Variants in PIGX observed in about 807,000 individuals in gnomAD.
PIGX encodes the protein GPI alpha-1,4-mannosyltransferase I, stabilizing subunit.
In PIGX, 24 loss-of-function variants were observed where a neutral mutation model predicts 28.7. That is an observed-to-expected ratio of 0.84 (90% CI 0.60 to 1.17). The LOEUF (loss-of-function observed/expected upper bound fraction) is 1.17. Among genes scored for constraint, PIGX ranks in the 50% most tolerant of loss-of-function variants. The pLI is 0.00. For missense variants in PIGX, 305 were observed against 317.8 expected (o/e 0.96, Z 0.31); for synonymous variants, 127 against 121.0 (o/e 1.05, Z -0.33).
chr3:196,728,511 C>A (rs1421453761), intron 4 of PIGX, among the ~76,000 whole-genome samples: 1 of 152,094 alleles, frequency 6.6e-6, no homozygotes, highest in East Asian at 1.9e-4. Context: ...AGACTAAGGT[C>A]TTGTCCATTT....
chr3:196,720,586 A>AT (rs34357771), intron 2 of PIGX, among the ~76,000 whole-genome samples: 1 of 152,058 alleles, frequency 6.6e-6, no homozygotes, highest in South Asian at 2.1e-4. Context: ...TTCTATTGTA[A>AT]TTTTTTGAGA....
intron 3 of PIGX, among the ~76,000 whole-genome samples, chr3:196,725,719 G>A (rs1281006115): frequency 1.3e-5 from 2 of 152,090 alleles, no homozygotes; most frequent in African/African-American, 4.8e-5. Flanking sequence ...AACAGTGTCT[G>A]GTACTCACAC....
intron 4 of PIGX, chr3:196,728,891 C>G (rs963385493): frequency 1.8e-6 from 1 of 567,552 alleles, no homozygotes; most frequent in African/African-American, 1.9e-5. Context: ...AGGACTCTGG[C>G]TTTTGATGTT....
Position 196,732,279 on chromosome 3 carries a change from T to A in PIGX, c.633+1187T>A, listed in dbSNP as rs370655411. ...ATATTTTATTTTATTTTATTTTTTT[T>A]TTTATTTTATTTTTTTTTTTGAGAC... On this transcript the variant is annotated intron_variant, in intron 5 of 5. Transcript: ENST00000392391. Among the ~76,000 whole-genome samples, 348 of 60,252 alleles carry A rather than the reference T, an allele frequency of 5.8e-3. 34 individuals carry two copies. Among genetic ancestry groups the A allele is most frequent in the African/African-American group, 0.022 (312 of 14,310 alleles). The allele number at this position is 60,252 out of a possible 152,430, so 39.5% of individuals were successfully genotyped here.
In PIGX at chr3:196,724,022, GT is replaced by G. The variant is rs1462271791; in HGVS notation, c.318+1483del. Among the ~76,000 whole-genome samples, 1,177 of 129,952 alleles carry G rather than the reference GT, an allele frequency of 9.1e-3. 8 individuals carry two copies. Among genetic ancestry groups the G allele is most frequent in the African/African-American group, 0.028 (1,015 of 35,700 alleles). The allele number at this position is 129,952 out of a possible 152,430, so 85.3% of individuals were successfully genotyped here. ...GGACCTCATTTTTTTTTAATTTAAT[GT>G]TTTTTTTTTTTTTTTTGAGACAGAG... is the stretch of plus-strand genomic sequence containing the variant. On this transcript the variant is annotated intron_variant, in intron 3 of 5. Coordinates refer to ENST00000392391, the MANE Select transcript of PIGX (RefSeq NM_017861.4).
At chr3:196,714,759 C>G (rs1560074544) in intron 1 of PIGX, among the ~76,000 whole-genome samples, 2 of 152,274 alleles carry the variant, frequency 1.3e-5, no homozygotes, top group African/African-American at 4.8e-5. Context: ...TGCACCCAGG[C>G]TATTTGTTCT....
intron 4 of PIGX, among the ~76,000 whole-genome samples, chr3:196,730,102 A>G (rs900331288): frequency 6.6e-6 from 1 of 151,970 alleles, no homozygotes; most frequent in African/African-American, 2.4e-5. Flanking sequence ...CACTGTTACT[A>G]AAAACCGACA....
intron 5 of PIGX, among the ~76,000 whole-genome samples, chr3:196,732,007 G>A (rs1712778076): frequency 6.7e-6 from 1 of 150,120 alleles, no homozygotes; most frequent in South Asian, 2.1e-4. Context: ...TGTATTTTTA[G>A]TAGAGACGGG....
chr3:196,713,701 A>T (rs948862532), intron 1 of PIGX, among the ~76,000 whole-genome samples: 3 of 151,832 alleles, frequency 2.0e-5, no homozygotes, highest in Non-Finnish European at 4.4e-5. Context: ...GCGGGGCGTG[A>T]TGGCGTGCCC....
intron 3 of PIGX, among the ~76,000 whole-genome samples, chr3:196,724,974 G>A (rs1712466003): frequency 6.6e-6 from 1 of 152,152 alleles, no homozygotes; most frequent in South Asian, 2.1e-4. Context: ...AATGAGTGGT[G>A]TGCCAGCAAA....
chr3:196,725,823 G>A (rs888639972), intron 3 of PIGX, among the ~76,000 whole-genome samples: 2 of 152,168 alleles, frequency 1.3e-5, no homozygotes, highest in African/African-American at 2.4e-5. Context: ...TTACTCAGTA[G>A]CAGGGAATAC....
intron 3 of PIGX, among the ~76,000 whole-genome samples, chr3:196,724,025 T>G (rs951789370): frequency 1.3e-5 from 2 of 149,558 alleles, no homozygotes; most frequent in Non-Finnish European, 3.0e-5. Context: ...ATTTAATGTT[T>G]TTTTTTTTTT....
chr3:196,724,067 G>A (rs1159919844), intron 3 of PIGX, among the ~76,000 whole-genome samples: 1 of 149,888 alleles, frequency 6.7e-6, no homozygotes, highest in African/African-American at 2.5e-5. Context: ...GCCTAGGCTG[G>A]AGTGCGGTGG....
chr3:196,726,116 A>G (rs1037076879), intron 3 of PIGX, among the ~76,000 whole-genome samples: 1 of 152,066 alleles, frequency 6.6e-6, no homozygotes, highest in East Asian at 1.9e-4. Flanking sequence ...TAGAATTAAC[A>G]TCATCTCTAC....
At chr3:196,721,904 A>T (rs533670918) in intron 2 of PIGX, among the ~76,000 whole-genome samples, 1 of 152,172 alleles carries the variant, frequency 6.6e-6, no homozygotes, top group South Asian at 2.1e-4. Flanking sequence ...GGCATGTGCC[A>T]CCATGCCCGG....
intron 3 of PIGX, 42 bp downstream of exon 3, chr3:196,722,598 G>A (rs1712365581): frequency 6.4e-7 from 1 of 1,557,090 alleles, no homozygotes; most frequent in Non-Finnish European, 8.8e-7. Flanking sequence ...AATTAATTTA[G>A]GGGTGCTGTA....
chr3:196,730,955 C>A lies in PIGX; in HGVS notation c.533-37C>A, dbSNP rs566817259. The A allele has an allele frequency of 1.1e-4, 134 of 1,255,396 alleles. 1 individual carries two copies. In the East Asian group the frequency reaches 2.6e-3, roughly 24 times the overall value. 77.8% of individuals were successfully genotyped at this position (1,255,396 alleles called of 1,614,324 possible). A position where few individuals can be genotyped will look rare whatever the true frequency, so the allele number is the denominator to read the frequency against. On this transcript the variant is annotated intron_variant, in intron 4 of 5. Coordinates refer to ENST00000392391, the MANE Select transcript of PIGX (RefSeq NM_017861.4). ...ACAAGCCTAGCTTTCAGTCCAAATA[C>A]AGGTTTTCTGACATCATTTTCTACC... is the stretch of plus-strand genomic sequence containing the variant.
At chr3:196,715,410 T>C (rs1712057835) in intron 1 of PIGX, among the ~76,000 whole-genome samples, 1 of 152,230 alleles carries the variant, frequency 6.6e-6, no homozygotes, top group Admixed American at 6.5e-5. Context: ...GAAGTTCAAG[T>C]TTCCTCCTGC....
chr3:196,719,146 C>T (rs879775405), intron 2 of PIGX, among the ~76,000 whole-genome samples: 1 of 151,806 alleles, frequency 6.6e-6, no homozygotes, highest in Non-Finnish European at 1.5e-5. Context: ...CTGTTTTATC[C>T]ATCTGTCAGT....
Sources: allele counts gnomAD v4.1 joint callset (sites outside exome capture counted in the v4.1 genomes callset), GRCh38; gene constraint gnomAD v4.1.1; transcripts MANE v1.5; gene names NCBI Gene and HGNC (gene_info 2026-07-23, HGNC 2026-07-21).